Variants in FMN1 observed in about 807,000 individuals in gnomAD.
The protein encoded by FMN1 is formin 1.
FMN1 carries 110 observed loss-of-function variants against 132.4 expected under a neutral mutation model. The observed-to-expected ratio is 0.83, with a 90% confidence interval of 0.71 to 0.97. The LOEUF is 0.97. Ranked by LOEUF, FMN1 falls within the 50% of genes least tolerant of loss-of-function variation. FMN1 has a pLI of 0.00. For missense variants in FMN1, 1,792 were observed against 1,705.3 expected (o/e 1.05, Z -0.90); for synonymous variants, 722 against 651.7 (o/e 1.11, Z -1.64).
intron 6 of FMN1, among the ~76,000 whole-genome samples, chr15:33,033,703 T>A (rs867463751): frequency 6.6e-6 from 1 of 151,668 alleles, no homozygotes; most frequent in African/African-American, 2.4e-5. Context: ...GCAAAATCTC[T>A]CAAAGTCACC....
At chr15:33,048,692 C>G (rs2036829980) in intron 6 of FMN1, among the ~76,000 whole-genome samples, 2 of 138,070 alleles carry the variant, frequency 1.4e-5, no homozygotes, top group Non-Finnish European at 3.1e-5. Flanking sequence ...GCTGAGAAGG[C>G]CTCACAATCA....
intron 9 of FMN1, among the ~76,000 whole-genome samples, chr15:32,950,020 T>TATATATATACACATACAC (rs1555503202): frequency 3.4e-4 from 1 of 2,910 alleles, no homozygotes; most frequent in Non-Finnish European, 8.4e-4. Context: ...TATATACACA[T>TATATATATACACATACAC]ATATATATAT....
In FMN1 at chr15:32,766,916, CTT is replaced by C. The variant is rs965059063; in HGVS notation, c.*7392_*7393del. ...GAAACAAAGCTAGAAGTCAAAATGA[CTT>C]TTGAACAGGCATGGAGTAAACAGGG... is the stretch of plus-strand genomic sequence containing the variant. On this transcript the variant is annotated 3_prime_UTR_variant, in exon 21 of 21. Transcript: ENST00000616417. 6.6e-6 allele frequency: 1 copy of C among 152,246 alleles called. No individual in the cohort carries two copies. The highest frequency in any genetic ancestry group is 2.4e-5 in the African/African-American group (1 of 41,466). 9.4% of individuals were successfully genotyped at this position (152,246 alleles called of 1,614,324 possible).
intron 7 of FMN1, among the ~76,000 whole-genome samples, chr15:32,979,032 A>G (rs879412444): frequency 5.9e-5 from 9 of 152,310 alleles, no homozygotes; most frequent in Non-Finnish European, 1.0e-4. Context: ...TACTGACTAG[A>G]AAAATAGTTC....
intron 3 of FMN1, among the ~76,000 whole-genome samples, chr15:33,168,836 G>A (rs1178077699): frequency 6.6e-6 from 1 of 152,158 alleles, no homozygotes; most frequent in African/African-American, 2.4e-5. Context: ...AATAATTAAA[G>A]TCTCAGTCAC....
chr15:32,966,221 T>C (rs115655216), intron 8 of FMN1, among the ~76,000 whole-genome samples: 1 of 152,280 alleles, frequency 6.6e-6, no homozygotes, highest in South Asian at 2.1e-4. Context: ...ACTAGTATTA[T>C]AATTCACTTA....
intron 5 of FMN1, among the ~76,000 whole-genome samples, chr15:33,086,998 T>C (rs1273108470): frequency 6.6e-6 from 1 of 152,190 alleles, no homozygotes; most frequent in Non-Finnish European, 1.5e-5. Flanking sequence ...GGTCTGAAAG[T>C]AATGAGCCGG....
chr15:32,877,879 C>T (rs200743424), intron 16 of FMN1, among the ~76,000 whole-genome samples: 1 of 152,100 alleles, frequency 6.6e-6, no homozygotes, highest in African/African-American at 2.4e-5. Flanking sequence ...CTCATTCATT[C>T]ACCCATTTAC....
chr15:32,847,432 G>A (rs1177462923), intron 17 of FMN1, among the ~76,000 whole-genome samples: 1 of 152,170 alleles, frequency 6.6e-6, no homozygotes, highest in East Asian at 1.9e-4. Context: ...CTGAGACAGT[G>A]TTTAAAAACA....
intron 12 of FMN1, among the ~76,000 whole-genome samples, chr15:32,902,241 AGC>A (rs2060315748): frequency 2.0e-5 from 3 of 152,220 alleles, no homozygotes; most frequent in Non-Finnish European, 4.4e-5. Context: ...AAGGAGTTCT[AGC>A]ATGATGAATA....
intron 5 of FMN1, chr15:33,067,935 C>A (rs923579505): frequency 6.5e-7 from 1 of 1,549,268 alleles, no homozygotes; most frequent in South Asian, 1.3e-5. Context: ...CCTTCTCCTG[C>A]GCTCTCAGTT....
At chr15:33,012,785 G>A (rs2034803473) in intron 6 of FMN1, 10 of 702,392 alleles carry the variant, frequency 1.4e-5, no homozygotes, top group Non-Finnish European at 2.6e-5. Flanking sequence ...AACTTCAGTG[G>A]TCATGGTGGC....
At chr15:33,002,513 C>A (rs1228440981) in intron 7 of FMN1, among the ~76,000 whole-genome samples, 1 of 152,074 alleles carries the variant, frequency 6.6e-6, no homozygotes, top group Non-Finnish European at 1.5e-5. Flanking sequence ...TGATGCCAAA[C>A]CAGTTGTCTC....
chr15:33,074,992 G>A (rs2038145316), intron 5 of FMN1, among the ~76,000 whole-genome samples: 2 of 130,704 alleles, frequency 1.5e-5, no homozygotes, highest in Admixed American at 1.8e-4. Context: ...CTGCACTCCA[G>A]CCTGGGCAAC....
intron 5 of FMN1, among the ~76,000 whole-genome samples, chr15:33,069,993 C>CTCTCTTT (rs398026774): frequency 9.3e-4 from 69 of 74,324 alleles, no homozygotes; most frequent in Non-Finnish European, 1.2e-3. Flanking sequence ...CAGTCTTTCT[C>CTCTCTTT]TTTTTTTTTT....
intron 4 of FMN1, chr15:33,150,726 C>T: frequency 4.1e-6 from 4 of 985,486 alleles, no homozygotes; most frequent in Non-Finnish European, 4.8e-6. Context: ...CTTTCTTAAG[C>T]AGTTAATGAG....
rs141073903 is a variant in FMN1, at chr15:32,804,330, T to C, written c.3931A>G (p.Lys1311Glu). The C allele has an allele frequency of 3.2e-4, 497 of 1,559,424 alleles. 5 individuals carry two copies. The East Asian group carries it at 0.01, about 32-fold the overall frequency. The change falls in exon 18 of 21, where the codon AAA becomes GAA. Residue 1311 changes from lysine (K) to glutamate (E), a missense_variant and splice_region_variant. This residue lies in a region of FMN1 where 1,150 missense variants were observed against 1,043.1 expected (regional missense o/e 1.10). Coordinates refer to ENST00000616417, the MANE Select transcript of FMN1 (RefSeq NM_001277313.2). ...DKLEEFFQKA[K>E]KEHKMEESHL... is the part of the protein sequence containing the mutation. ...CTTTCTTCCATCTTATGCTCTTTTT[T>C]GGCTGTAAAAGATAAATCATGATTA...
Position 32,964,229 on chromosome 15 carries a change from A to C in FMN1, c.3016T>G (p.Ser1006Ala), listed in dbSNP as rs2030955528. 6.2e-7 allele frequency: 1 copy of C among 1,609,918 alleles called. No homozygotes were observed. The highest frequency in any genetic ancestry group is 8.5e-7 in the Non-Finnish European group (1 of 1,177,542). The change falls in exon 9 of 21, where the codon TCC becomes GCC. Residue 1006 changes from serine to alanine, a missense_variant. This residue lies in a region of FMN1 where 1,150 missense variants were observed against 1,043.1 expected (regional missense o/e 1.10). Coordinates refer to ENST00000616417, the MANE Select transcript of FMN1 (RefSeq NM_001277313.2). ...SQNATPTLWD[S>A]LEEPDIRDPS... ...TCCCGAATGTCAGGTTCTTCTAAGGAGTCCCATAAGGTTGGTGTAGCATTT... is the reference window on the plus strand; with the variant it reads ...TCCCGAATGTCAGGTTCTTCTAAGGCGTCCCATAAGGTTGGTGTAGCATTT...
intron 3 of FMN1, among the ~76,000 whole-genome samples, chr15:33,161,181 A>G (rs1455851166): frequency 6.6e-6 from 1 of 152,190 alleles, no homozygotes; most frequent in Non-Finnish European, 1.5e-5. Flanking sequence ...TTCCATTTCT[A>G]AACTGGAAAA....
Sources: allele counts gnomAD v4.1 joint callset (sites outside exome capture counted in the v4.1 genomes callset), GRCh38; gene constraint gnomAD v4.1.1; regional missense constraint gnomAD v4.1.1; transcripts MANE v1.5; gene names NCBI Gene and HGNC (gene_info 2026-07-23, HGNC 2026-07-21).